POLI: variants seen among roughly 807,000 people sequenced by gnomAD.
The protein encoded by POLI is DNA polymerase iota, also known as RAD30 homolog B.
A neutral mutation model predicts 51.6 loss-of-function variants in POLI; 58 were observed. The observed-to-expected ratio is 1.12, with a 90% CI of 0.91 to 1.40. POLI has a LOEUF of 1.40. Ranked by LOEUF, POLI falls within the 40% of genes most tolerant of loss-of-function variation. POLI has a pLI of 0.00. For missense variants in POLI, 921 were observed against 871.3 expected (o/e 1.06, Z -0.72); for synonymous variants, 322 against 299.7 (o/e 1.07, Z -0.77).
chr18:54,273,028 T>C (rs551588274), intron 2 of POLI, among the ~76,000 whole-genome samples: 18 of 151,764 alleles, frequency 1.2e-4, no homozygotes, highest in Middle Eastern at 3.4e-3. Flanking sequence ...ACCTTTTTTT[T>C]CTACATGTTT....
chr18:54,306,969 A>T (rs2851877), intron 3 of POLI, among the ~76,000 whole-genome samples: 58,637 of 151,434 alleles, frequency 0.39, 14,278 homozygotes, highest in African/African-American at 0.69. Context: ...CTCTCTTTTC[A>T]TCTTTATTAG....
intron 3 of POLI, among the ~76,000 whole-genome samples, chr18:54,319,197 A>G (rs1180727711): frequency 6.6e-6 from 1 of 152,196 alleles, no homozygotes; most frequent in Non-Finnish European, 1.5e-5. Context: ...TCTCTACTGC[A>G]GACTCCCAGA....
At chr18:54,271,596 T>TG in intron 2 of POLI, 111 bp downstream of exon 2, 2 of 742,778 alleles carry the variant, frequency 2.7e-6, no homozygotes, top group Non-Finnish European at 4.2e-6. Flanking sequence ...TGGAAGCAGT[T>TG]CTTACAGTGC....
chr18:54,297,307 G>A lies in POLI; in HGVS notation c.*2840G>A. ...TTTGTTGTTGTTTTTTTTTTTTCCT[G>A]TTTCTGTCTTGAATGTAGAGGGTAT... is the stretch of plus-strand genomic sequence containing the variant. On this transcript the variant is annotated 3_prime_UTR_variant, in exon 10 of 10. Coordinates refer to ENST00000579534, the MANE Select transcript of POLI (RefSeq NM_007195.3). The A allele has an allele frequency of 3.1e-6, 3 of 970,554 alleles. No individual in the cohort carries two copies. Among genetic ancestry groups the A allele is most frequent in the Non-Finnish European group, 3.7e-6 (3 of 819,178 alleles). 60.1% of individuals were successfully genotyped at this position (970,554 alleles called of 1,614,324 possible). A position where few individuals can be genotyped will look rare whatever the true frequency, so the allele number is the denominator to read the frequency against.
At chr18:54,290,529 C>T (rs1453881919) in intron 8 of POLI, among the ~76,000 whole-genome samples, 9 of 152,068 alleles carry the variant, frequency 5.9e-5, no homozygotes, top group African/African-American at 9.7e-5. Context: ...CACATGCACG[C>T]GTATGTTTAT....
intron 3 of POLI, among the ~76,000 whole-genome samples, chr18:54,310,208 C>T (rs1021688864): frequency 1.3e-5 from 2 of 152,186 alleles, no homozygotes; most frequent in South Asian, 2.1e-4. Context: ...TGTTCCTATT[C>T]AGCCATCTTG....
chr18:54,283,783 A>G, intron 6 of POLI, 139 bp from the exon 7 acceptor site: 2 of 479,494 alleles, frequency 4.2e-6, no homozygotes, highest in Non-Finnish European at 3.8e-6. Flanking sequence ...TTAATATAAA[A>G]GTGAACTAAA....
At chr18:54,284,998 A>AT (rs2087683568) in intron 7 of POLI, among the ~76,000 whole-genome samples, 1 of 152,166 alleles carries the variant, frequency 6.6e-6, no homozygotes, top group African/African-American at 2.4e-5. Context: ...TTCTCTAATG[A>AT]TTCTAGGAGG....
intron 2 of POLI, 86 bp downstream of exon 2, chr18:54,271,571 TA>T: frequency 1.0e-6 from 1 of 972,098 alleles, no homozygotes; most frequent in Non-Finnish European, 1.5e-6. Context: ...TTATTAACCT[TA>T]TTAAGAAAGA....
At chr18:54,305,426 G>A (rs1257182883) in intron 3 of POLI, among the ~76,000 whole-genome samples, 1 of 152,054 alleles carries the variant, frequency 6.6e-6, no homozygotes, top group African/African-American at 2.4e-5. Flanking sequence ...TTTGTGTCCT[G>A]TTTTATTTCA....
At chr18:54,277,946 C>T (rs1202163428) in intron 4 of POLI, 91 bp downstream of exon 4, 1 of 992,802 alleles carries the variant, frequency 1.0e-6, no homozygotes, top group East Asian at 2.5e-5. Context: ...CTGAAAGATT[C>T]ATGACTTTTG....
chr18:54,293,862 CA>C lies in POLI; in HGVS notation c.1620del (p.Glu541LysfsTer18). ...CTTCAAGCAGCTTCCAGTAGATATT[CA>C]AGAAGAAATCCTTTCTGGAAAATCT... ...EVFKQLPVDI[Q>X]EEILSGKSRE... On this transcript the variant is annotated frameshift_variant, in exon 10 of 10. Coordinates refer to ENST00000579534, the MANE Select transcript of POLI (RefSeq NM_007195.3). LOFTEE classifies it low-confidence loss of function (END_TRUNC). The C allele has an allele frequency of 3.7e-6, 6 of 1,611,674 alleles. No individual in the cohort carries two copies. The highest frequency in any genetic ancestry group is 5.1e-6 in the Non-Finnish European group (6 of 1,178,548).
Position 54,274,019 on chromosome 18 carries a change from A to C in POLI, c.335A>C (p.Lys112Thr). 1 of 1,581,146 alleles carries C rather than the reference A, an allele frequency of 6.3e-7. No individual in the cohort carries two copies. The highest frequency in any genetic ancestry group is 1.4e-5 in the African/African-American group (1 of 73,648). ...ATGAATGTCAGAGATGCAAAAGAAA[A>C]GTGTCCACAGTTGGTATTAGTTAAT... ...KLMNVRDAKE[K>T]CPQLVLVNGE... Residue 112 changes from lysine to threonine, a missense_variant, in exon 3 of 10, where the codon AAG becomes ACG. Transcript: ENST00000579534.
chr18:54,269,512 C>A, upstream of POLI: 1 of 1,502,068 alleles, frequency 6.7e-7, no homozygotes, highest in Non-Finnish European at 8.8e-7. Flanking sequence ...CAGGCGGAAG[C>A]GGCCGGAAGT....
At position 54,277,796 on chromosome 18, in the gene POLI, AG is replaced by A; in HGVS notation, c.501del (p.Gln167HisfsTer10). On this transcript the variant is annotated frameshift_variant, in exon 4 of 10. Coordinates refer to ENST00000579534, the MANE Select transcript of POLI (RefSeq NM_007195.3). LOFTEE classifies it high-confidence loss of function. The stretch of plus-strand genomic sequence containing the variant: ...GAAATGGTTGAGAAGAGACTACAGC[AG>A]CTGCAAAGTGATGAACTTTCTGCGG... ...LTEMVEKRLQ[Q>X]LQSDELSAVT... 6.2e-7 allele frequency: 1 copy of A among 1,613,094 alleles called. No homozygotes were observed.
At chr18:54,291,739 A>G in intron 8 of POLI, 94 bp from the exon 9 acceptor site, 1 of 601,678 alleles carries the variant, frequency 1.7e-6, no homozygotes, top group Middle Eastern at 4.6e-4. Context: ...ATGCCCAGTG[A>G]TATTTAGGAT....
chr18:54,295,476 G>A lies in POLI; in HGVS notation c.*1009G>A, dbSNP rs1408856808. On this transcript the variant is annotated 3_prime_UTR_variant, in exon 10 of 10. Transcript: ENST00000579534. ...GAGGATGTTTATAGAATATACTAAAGTATCCCTCAGCACCAATATGGGAGT... is the reference window on the plus strand; with the variant it reads ...GAGGATGTTTATAGAATATACTAAAATATCCCTCAGCACCAATATGGGAGT... 4 of 960,716 alleles carry A rather than the reference G, an allele frequency of 4.2e-6. No homozygotes were observed. The Admixed American group carries it at 1.9e-4, about 44-fold the overall frequency. 59.5% of individuals were successfully genotyped at this position (960,716 alleles called of 1,614,324 possible). A position where few individuals can be genotyped will look rare whatever the true frequency, so the allele number is the denominator to read the frequency against.
rs978069281 is a variant in POLI, at chr18:54,297,739, A to G, written c.*3272A>G. 1.0e-6 allele frequency: 1 copy of G among 970,526 alleles called. No individual in the cohort carries two copies. The highest frequency in any genetic ancestry group is 1.8e-5 in the African/African-American group (1 of 56,902). The allele number at this position is 970,526 out of a possible 1,614,324, so 60.1% of individuals were successfully genotyped here. On this transcript the variant is annotated 3_prime_UTR_variant, in exon 10 of 10. Coordinates refer to ENST00000579534, the MANE Select transcript of POLI (RefSeq NM_007195.3). ...CATCTAAAAATGCTACCCTCTTTCC[A>G]AACAACACAAAGGTATTGAAATAAC... is the stretch of plus-strand genomic sequence containing the variant.
rs781349987 is a variant in POLI, at chr18:54,284,061, A to G, written c.1067+48A>G. 10 of 659,690 alleles carry G rather than the reference A, an allele frequency of 1.5e-5. No individual in the cohort carries two copies. The South Asian group carries it at 1.6e-4, about 11-fold the overall frequency. 40.9% of individuals were successfully genotyped at this position (659,690 alleles called of 1,614,324 possible). A position where few individuals can be genotyped will look rare whatever the true frequency, so the allele number is the denominator to read the frequency against. On this transcript the variant is annotated intron_variant, in intron 7 of 9. Coordinates refer to ENST00000579534, the MANE Select transcript of POLI (RefSeq NM_007195.3). The stretch of plus-strand genomic sequence containing the variant: ...AAGTCATCCTATGTATTCATTCTAT[A>G]TACGGTATGTGGAAAGAATATTTGA...
Sources: gnomAD v4.1 joint callset for allele counts (sites outside exome capture counted in the v4.1 genomes callset) on GRCh38, gnomAD v4.1.1 for gene constraint, MANE v1.5 for transcripts, NCBI Gene and HGNC (gene_info 2026-07-23, HGNC 2026-07-21) for gene names.